The following IPO5 variants were observed in gnomAD, a reference collection of about 807,000 sequenced individuals.
IPO5 encodes the protein importin-5.
Under a neutral mutation model 143.3 loss-of-function variants are expected in IPO5, and 18 were observed. The observed-to-expected ratio is 0.13, with a 90% confidence interval of 0.09 to 0.19. IPO5 has a LOEUF of 0.19. IPO5 is among the 10% of genes least tolerant of loss of function. The probability of loss-of-function intolerance (pLI) is 1.00; values close to 1 mark genes in which losing one functional copy is unlikely to be tolerated. For missense variants in IPO5, 1,013 were observed against 1,336.9 expected, an observed-to-expected ratio of 0.76 and a Z score of 3.78; for synonymous variants, 477 against 465.7, an observed-to-expected ratio of 1.02 and a Z score of -0.31.
intron 26 of IPO5, 64 bp downstream of exon 26, chr13:98,018,768 C>A: frequency 8.6e-7 from 1 of 1,156,106 alleles, no homozygotes; most frequent in Non-Finnish European, 1.3e-6. Flanking sequence ...CTACTTTACT[C>A]TCTTTACCAC....
chr13:97,990,241 A>G lies in IPO5; in HGVS notation c.564+19A>G, dbSNP rs573768189. ...CCCGTCGGTAAATAATTTCAATCCT[A>G]TTAATATAACCATCTATTTTAATCT... On this transcript the variant is annotated intron_variant, in intron 8 of 28. Transcript: ENST00000651721. 1.1e-5 allele frequency: 16 copies of G among 1,491,160 alleles called. No homozygotes were observed. The highest frequency in any genetic ancestry group is 4.2e-5 in the African/African-American group (3 of 72,266). The allele number at this position is 1,491,160 out of a possible 1,614,324, so 92.4% of individuals were successfully genotyped here.
chr13:98,006,221 A>G lies in IPO5; in HGVS notation c.1589A>G (p.Tyr530Cys), dbSNP rs777237462. The G allele has an allele frequency of 5.0e-6, 8 of 1,613,670 alleles. No homozygotes were observed. The highest frequency in any genetic ancestry group is 2.2e-5 in the East Asian group (1 of 44,866). The change falls in exon 17 of 29, where the codon TAC becomes TGC. Residue 530 changes from tyrosine (Y) to cysteine (C), a missense_variant. By Grantham distance (194) the Tyr-to-Cys change is radical. Transcript: ENST00000651721. Reference sequence around the variant, plus strand: ...ACTGCAGAAGAAAAATTTGTCCCCTACTATGATTTATTTATGCCATCACTG... The same window carrying G: ...ACTGCAGAAGAAAAATTTGTCCCCTGCTATGATTTATTTATGCCATCACTG... The part of the protein sequence containing the change: ...ADTAEEKFVP[Y>C]YDLFMPSLKH...
At chr13:98,005,451 A>G (rs1889155776) in intron 16 of IPO5, among the ~76,000 whole-genome samples, 1 of 150,594 alleles carries the variant, frequency 6.6e-6, no homozygotes, top group African/African-American at 2.4e-5. Flanking sequence ...CTGGTTTTGA[A>G]CTCCTGACTC....
chr13:98,000,516 C>T lies in IPO5; in HGVS notation c.1002-23C>T, dbSNP rs748688853. On this transcript the variant is annotated intron_variant, in intron 12 of 28. Transcript: ENST00000651721. Reference sequence around the variant, plus strand: ...TTTTGTGTTTCAGATATATTGAGTACATAATTCTGTTTATGTGTTTAGCAA... The same window carrying T: ...TTTTGTGTTTCAGATATATTGAGTATATAATTCTGTTTATGTGTTTAGCAA... 3 of 1,472,040 alleles carry T rather than the reference C, an allele frequency of 2.0e-6. No individual in the cohort carries two copies. In the South Asian group the frequency reaches 3.4e-5, roughly 17 times the overall value. 91.2% of individuals were successfully genotyped at this position (1,472,040 alleles called of 1,614,324 possible). A position where few individuals can be genotyped will look rare whatever the true frequency, so the allele number is the denominator to read the frequency against.
Position 98,006,256 on chromosome 13 carries a change from G to A in IPO5, c.1624G>A (p.Val542Ile). ...DLFMPSLKHI[V>I]ENAVQKELRL... ...ATTTATGCCATCACTGAAGCACATC[G>A]TTGAGAATGCGGTTCAAAAAGAACT... Residue 542 changes from valine (V) to isoleucine (I), a missense_variant, in exon 17 of 29, where the codon GTT (valine) becomes ATT (isoleucine). This residue lies in a region of IPO5 where 685 missense variants were observed against 994.9 expected (regional missense o/e 0.69). Coordinates refer to ENST00000651721, the MANE Select transcript of IPO5 (RefSeq NM_002271.6). 1.2e-6 allele frequency: 2 copies of A among 1,609,426 alleles called. No homozygotes were observed. Among genetic ancestry groups the A allele is most frequent in the Non-Finnish European group, 1.7e-6 (2 of 1,178,026 alleles).
chr13:97,972,330 C>T (rs765616630), intron 3 of IPO5, among the ~76,000 whole-genome samples: 1 of 152,206 alleles, frequency 6.6e-6, no homozygotes, highest in Non-Finnish European at 1.5e-5. Context: ...TCTCCCACTT[C>T]CAGAACACTC....
intron 21 of IPO5, among the ~76,000 whole-genome samples, chr13:98,013,390 T>G (rs928838137): frequency 2.6e-5 from 4 of 152,148 alleles, no homozygotes; most frequent in African/African-American, 4.8e-5. Context: ...CCAGTACATT[T>G]TTATGCCTTT....
intron 3 of IPO5, among the ~76,000 whole-genome samples, chr13:97,973,802 G>T (rs1034383313): frequency 2.6e-5 from 4 of 152,206 alleles, no homozygotes; most frequent in South Asian, 2.1e-4. Flanking sequence ...GGGTGTGGTG[G>T]CGGAGGCCTG....
At chr13:97,980,354 C>T (rs1886738473) in intron 4 of IPO5, among the ~76,000 whole-genome samples, 1 of 152,188 alleles carries the variant, frequency 6.6e-6, no homozygotes, top group South Asian at 2.1e-4. Flanking sequence ...GTCACTCGTA[C>T]TAAACTCTCC....
At chr13:97,969,131 A>G (rs1885586475) in intron 2 of IPO5, among the ~76,000 whole-genome samples, 1 of 139,848 alleles carries the variant, frequency 7.2e-6, no homozygotes. Flanking sequence ...CATTTAACTT[A>G]GAAATGAAAT....
At chr13:97,993,372 A>G in intron 11 of IPO5, 147 bp downstream of exon 11, 1 of 690,280 alleles carries the variant, frequency 1.4e-6, no homozygotes, top group Non-Finnish European at 2.4e-6. Context: ...GCATCTCAAT[A>G]CATGCAAGCG....
At position 97,997,483 on chromosome 13, in the gene IPO5, A is replaced by G. The variant is rs774593023; in HGVS notation, c.914-48A>G. 1.2e-5 allele frequency: 12 copies of G among 1,029,176 alleles called. 1 individual carries two copies. In the South Asian group the frequency reaches 1.5e-4, roughly 13 times the overall value. The allele number at this position is 1,029,176 out of a possible 1,614,324, so 63.8% of individuals were successfully genotyped here. The stretch of plus-strand genomic sequence containing the variant: ...TTCTTGTTTATAAATAGTGATATGG[A>G]TAAGATAAAGTCACAGTCTTCGGGT... On this transcript the variant is annotated intron_variant, in intron 11 of 28. Transcript: ENST00000651721.
chr13:97,964,909 C>T (rs1287913324), intron 2 of IPO5, among the ~76,000 whole-genome samples: 2 of 152,176 alleles, frequency 1.3e-5, no homozygotes, highest in Non-Finnish European at 2.9e-5. Flanking sequence ...TATTGCAGCA[C>T]TATTTACAAT....
chr13:97,983,557 C>T (rs148920118), intron 5 of IPO5, among the ~76,000 whole-genome samples: 1 of 142,794 alleles, frequency 7.0e-6, no homozygotes, highest in Non-Finnish European at 1.5e-5. Context: ...CCCACCGTCC[C>T]CCCGATTATA....
intron 2 of IPO5, among the ~76,000 whole-genome samples, chr13:97,964,294 C>T (rs1010567977): frequency 6.6e-6 from 1 of 151,932 alleles, no homozygotes; most frequent in Non-Finnish European, 1.5e-5. Context: ...ATGATATTGC[C>T]TAGGTTTTCT....
intron 25 of IPO5, among the ~76,000 whole-genome samples, chr13:98,018,151 TTTA>T (rs746005173): frequency 2.6e-5 from 4 of 152,194 alleles, no homozygotes; most frequent in Admixed American, 1.3e-4. Context: ...CTTTGCAGCT[TTTA>T]TTATTATTGT....
At chr13:98,012,137 T>C (rs1297093034) in intron 20 of IPO5, 109 bp from the exon 21 acceptor site, 3 of 690,694 alleles carry the variant, frequency 4.3e-6, no homozygotes, top group Non-Finnish European at 7.9e-6. Context: ...TTAAATGTAG[T>C]TCTAGTCAAA....
At chr13:97,956,940 T>C (rs193154022) in intron 2 of IPO5, among the ~76,000 whole-genome samples, 1 of 152,344 alleles carries the variant, frequency 6.6e-6, no homozygotes, top group Admixed American at 6.5e-5. Flanking sequence ...GCTTGGTCTA[T>C]GGATAGCTGA....
At chr13:97,974,982 C>CTAAA (rs1886146431) in intron 3 of IPO5, among the ~76,000 whole-genome samples, 1 of 152,122 alleles carries the variant, frequency 6.6e-6, no homozygotes, top group Non-Finnish European at 1.5e-5. Context: ...AACACAGTGG[C>CTAAA]CAAGATTTAA....
Sources: allele counts gnomAD v4.1 joint callset (sites outside exome capture counted in the v4.1 genomes callset), GRCh38; gene constraint gnomAD v4.1.1; regional missense constraint gnomAD v4.1.1; transcripts MANE v1.5; gene names NCBI Gene and HGNC (gene_info 2026-07-23, HGNC 2026-07-21).